WDFY4: variants seen among roughly 807,000 people sequenced by gnomAD.
WDFY4 encodes the protein WDFY family member 4, also known as WD repeat- and FYVE domain-containing protein 4.
Under a neutral mutation model 351.9 loss-of-function variants are expected in WDFY4, and 169 were observed. The observed-to-expected ratio is 0.48, with a 90% confidence interval of 0.42 to 0.55. The LOEUF is 0.55. Among genes scored for constraint, WDFY4 ranks in the 20% least tolerant of loss-of-function variants. The probability of loss-of-function intolerance (pLI) is 0.00; values close to 1 mark genes in which losing one functional copy is unlikely to be tolerated. For synonymous variants in WDFY4, 1,622 were observed against 1,574.6 expected, an observed-to-expected ratio of 1.03 and a Z score of -0.71; for missense variants, 3,803 against 3,935.6, an observed-to-expected ratio of 0.97 and a Z score of 0.90.
intron 51 of WDFY4, among the ~76,000 whole-genome samples, chr10:48,952,766 C>G (rs1030783074): frequency 2.0e-5 from 3 of 152,136 alleles, no homozygotes; most frequent in Non-Finnish European, 2.9e-5. Context: ...AGCTAATGGC[C>G]ACTCTGGGGT....
intron 15 of WDFY4, 66 bp from the exon 16 acceptor site, chr10:48,776,684 A>G: frequency 1.6e-6 from 2 of 1,267,194 alleles, no homozygotes; most frequent in Non-Finnish European, 2.1e-6. Flanking sequence ...CTTTGGGGTT[A>G]TTGTCAGAAG....
intron 40 of WDFY4, among the ~76,000 whole-genome samples, chr10:48,868,699 T>C (rs560615995): frequency 6.6e-6 from 1 of 152,348 alleles, no homozygotes; most frequent in Admixed American, 6.5e-5. Context: ...TCATCACCAC[T>C]ACACCATTTT....
At chr10:48,889,503 T>TC (rs1554801512) in intron 43 of WDFY4, among the ~76,000 whole-genome samples, 1 of 150,694 alleles carries the variant, frequency 6.6e-6, no homozygotes, top group African/African-American at 2.4e-5. Context: ...TCTTTTATTT[T>TC]TTTTCTCCCA....
At chr10:48,753,048 T>A (rs532674566) in intron 12 of WDFY4, among the ~76,000 whole-genome samples, 12 of 145,582 alleles carry the variant, frequency 8.2e-5, no homozygotes, top group African/African-American at 2.8e-4. Flanking sequence ...CTTTAAAAAA[T>A]TTTTTAGCCA....
chr10:48,964,233 G>A (rs1194932076), intron 54 of WDFY4, among the ~76,000 whole-genome samples, 179 bp downstream of exon 54: 3 of 152,214 alleles, frequency 2.0e-5, no homozygotes, highest in Admixed American at 6.5e-5. Flanking sequence ...TGATGCATAT[G>A]ATGACATCAT....
At chr10:48,954,087 C>T (rs1029367094) in intron 51 of WDFY4, among the ~76,000 whole-genome samples, 2 of 152,212 alleles carry the variant, frequency 1.3e-5, no homozygotes, top group Non-Finnish European at 2.9e-5. Flanking sequence ...AATTTTGCTT[C>T]ATCTCTTAGC....
intron 2 of WDFY4, among the ~76,000 whole-genome samples, chr10:48,718,693 G>A (rs2063984393): frequency 6.6e-6 from 1 of 152,240 alleles, no homozygotes. Flanking sequence ...GGTCTGGAAT[G>A]AGCCCTTCTC....
intron 41 of WDFY4, among the ~76,000 whole-genome samples, chr10:48,873,932 A>ATTGAGTG (rs2069888368): frequency 6.6e-6 from 1 of 152,190 alleles, no homozygotes; most frequent in Non-Finnish European, 1.5e-5. Context: ...ATGAATAAAT[A>ATTGAGTG]TTGAGTGTTG....
chr10:48,745,046 G>A (rs899419893), intron 12 of WDFY4, among the ~76,000 whole-genome samples: 2 of 151,986 alleles, frequency 1.3e-5, no homozygotes, highest in Admixed American at 6.5e-5. Flanking sequence ...CTACCTTTGG[G>A]CTTATTCTGG....
At chr10:48,749,879 AGGCCTCGTG>A (rs1400405724) in intron 12 of WDFY4, among the ~76,000 whole-genome samples, 1 of 152,180 alleles carries the variant, frequency 6.6e-6, no homozygotes, top group Admixed American at 6.5e-5. Flanking sequence ...AGCCCCTGCC[AGGCCTCGTG>A]GGCTGACGTT....
At chr10:48,889,091 C>G (rs556119153) in intron 43 of WDFY4, among the ~76,000 whole-genome samples, 1 of 152,316 alleles carries the variant, frequency 6.6e-6, no homozygotes, top group African/African-American at 2.4e-5. Context: ...GGAAATGAGT[C>G]CACTTTGGAC....
intron 39 of WDFY4, among the ~76,000 whole-genome samples, chr10:48,852,133 T>C (rs1331453085): frequency 1.3e-5 from 2 of 152,028 alleles, no homozygotes; most frequent in African/African-American, 4.8e-5. Flanking sequence ...CTGACCCAAA[T>C]CTCCTTCCTC....
intron 59 of WDFY4, among the ~76,000 whole-genome samples, chr10:48,978,087 A>G (rs1842653020): frequency 6.6e-6 from 1 of 152,188 alleles, no homozygotes; most frequent in African/African-American, 2.4e-5. Flanking sequence ...GGTGGGGTAA[A>G]TTCATTCAAG....
At chr10:48,736,137 C>A in intron 11 of WDFY4, 67 bp downstream of exon 11, 1 of 1,531,412 alleles carries the variant, frequency 6.5e-7, no homozygotes, top group Non-Finnish European at 8.9e-7. Context: ...CACATTTGCT[C>A]AGGCATTTGT....
At chr10:48,784,850 C>CTTTTTTT (rs1255134626) in intron 19 of WDFY4, among the ~76,000 whole-genome samples, 2 of 80,670 alleles carry the variant, frequency 2.5e-5, no homozygotes, top group Non-Finnish European at 4.7e-5. Context: ...GCATCGTTTA[C>CTTTTTTT]TTTTTTTTTT....
rs939851222 is a variant in WDFY4 at position 48,715,431 on chromosome 10, G to A, written c.235-4580G>A. ...ATGAACACTAACTTAGTTGTATTTAGAGGTGAGTGTATTTTGGTGTTTGTG... is the reference window on the plus strand; with the variant it reads ...ATGAACACTAACTTAGTTGTATTTAAAGGTGAGTGTATTTTGGTGTTTGTG... On this transcript the variant is annotated intron_variant, in intron 2 of 61. Transcript: ENST00000325239. Among the ~76,000 whole-genome samples the A allele has an allele frequency of 6.6e-5, 10 of 152,306 alleles. No homozygotes were observed. The East Asian group carries it at 1.7e-3, about 26-fold the overall frequency.
At chr10:48,722,143 G>A (rs906087477) in intron 4 of WDFY4, among the ~76,000 whole-genome samples, 2 of 152,214 alleles carry the variant, frequency 1.3e-5, no homozygotes, top group Admixed American at 1.3e-4. Context: ...GGTGATAGGA[G>A]CACATCACGC....
rs917997410 is a variant in WDFY4 at position 48,736,248 on chromosome 10, G to C, written c.1878+178G>C. On this transcript the variant is annotated intron_variant, in intron 11 of 61. Transcript: ENST00000325239. ...TAAATCCCATATCCTCAGTAGCCTGGTACATTTGAAATTTCTTTGCAACAT... is the reference window on the plus strand; with the variant it reads ...TAAATCCCATATCCTCAGTAGCCTGCTACATTTGAAATTTCTTTGCAACAT... 9.8e-5 allele frequency: 68 copies of C among 694,054 alleles called. No homozygotes were observed. In the African/African-American group the frequency reaches 1.0e-3, roughly 11 times the overall value. 43.0% of individuals were successfully genotyped at this position (694,054 alleles called of 1,614,324 possible).
At chr10:48,910,053 T>C in intron 47 of WDFY4, 1 of 575,648 alleles carries the variant, frequency 1.7e-6, no homozygotes, top group Non-Finnish European at 3.1e-6. Flanking sequence ...CACACACAGG[T>C]GGGCTAAAGC....
Sources: gnomAD v4.1 joint callset for allele counts (sites outside exome capture counted in the v4.1 genomes callset) on GRCh38, gnomAD v4.1.1 for gene constraint, MANE v1.5 for transcripts, NCBI Gene and HGNC (gene_info 2026-07-23, HGNC 2026-07-21) for gene names.